PARL: variants seen among roughly 807,000 people sequenced by gnomAD.
PARL encodes the protein presenilin-associated rhomboid-like protein, mitochondrial.
In PARL, 44 loss-of-function variants were observed where a neutral mutation model predicts 51.6. That is an observed-to-expected ratio of 0.85 (90% CI 0.67 to 1.10). PARL has a LOEUF of 1.10. PARL is among the 50% of genes least tolerant of loss of function. The pLI is 0.00. For missense variants in PARL, 441 were observed against 469.5 expected, an observed-to-expected ratio of 0.94 and a Z score of 0.56; for synonymous variants, 172 against 164.0, an observed-to-expected ratio of 1.05 and a Z score of -0.37.
Position 183,842,228 on chromosome 3 carries a change from C to T in PARL, c.757+70G>A. 3.5e-6 allele frequency: 5 copies of T among 1,414,850 alleles called. 1 individual carries two copies. In the South Asian group the frequency reaches 4.6e-5, roughly 13 times the overall value. The allele number at this position is 1,414,850 out of a possible 1,614,324, so 87.6% of individuals were successfully genotyped here. A position where few individuals can be genotyped will look rare whatever the true frequency, so the allele number is the denominator to read the frequency against. ...CGTGTAGAATATGGCAGTAATCATTCCCTTTGTCCGTTCTGCAGATAGCTT... is the reference window on the plus strand; with the variant it reads ...CGTGTAGAATATGGCAGTAATCATTTCCTTTGTCCGTTCTGCAGATAGCTT... On this transcript the variant is annotated intron_variant, in intron 6 of 9. Coordinates refer to ENST00000317096, the MANE Select transcript of PARL (RefSeq NM_018622.7).
At chr3:183,840,704 CTTTTCT>C in intron 6 of PARL, 64 bp from the exon 7 acceptor site, 3 of 747,482 alleles carry the variant, frequency 4.0e-6, no homozygotes, top group Non-Finnish European at 6.5e-6. Flanking sequence ...TTTTTTTTTT[CTTTTCT>C]TTTTTTTTTT....
At chr3:183,879,395 T>C (rs1450386953) in intron 1 of PARL, among the ~76,000 whole-genome samples, 1 of 152,176 alleles carries the variant, frequency 6.6e-6, no homozygotes, top group African/African-American at 2.4e-5. Flanking sequence ...CCTAAAAATA[T>C]ATAGCCCCAA....
At chr3:183,859,507 T>G (rs1367298144) in intron 4 of PARL, among the ~76,000 whole-genome samples, 2 of 152,002 alleles carry the variant, frequency 1.3e-5, no homozygotes, top group South Asian at 2.1e-4. Context: ...CCAGCTAATT[T>G]TGTATTTTTA....
At chr3:183,844,422 T>G (rs1307212734) in intron 4 of PARL, 96 bp from the exon 5 acceptor site, 5 of 820,486 alleles carry the variant, frequency 6.1e-6, no homozygotes, top group East Asian at 2.7e-5. Context: ...CACAATTATG[T>G]AAGAGTACTG....
At chr3:183,832,248 T>C (rs1273295777) in intron 9 of PARL, among the ~76,000 whole-genome samples, 1 of 151,724 alleles carries the variant, frequency 6.6e-6, no homozygotes, top group East Asian at 1.9e-4. Flanking sequence ...AGACAGAGTC[T>C]CACTTTGTCG....
chr3:183,831,322 T>C (rs774223678), intron 9 of PARL, among the ~76,000 whole-genome samples: 11 of 152,246 alleles, frequency 7.2e-5, no homozygotes, highest in Non-Finnish European at 1.3e-4. Flanking sequence ...AGTCAAATAC[T>C]TTAATTTCAC....
chr3:183,876,610 T>TAAAAAAAAAAAAAAAAAAAAAAA (rs576376716), intron 1 of PARL, among the ~76,000 whole-genome samples: 17 of 91,810 alleles, frequency 1.9e-4, no homozygotes, highest in East Asian at 6.9e-4. Context: ...ATACATTTTG[T>TAAAAAAAAAAAAAAAAAAAAAAA]AAAAAAAAAA....
intron 4 of PARL, chr3:183,861,233 C>T: frequency 1.0e-6 from 1 of 973,886 alleles, no homozygotes; most frequent in Non-Finnish European, 1.2e-6. Flanking sequence ...CCTATCAATT[C>T]TATGGTCTTA....
chr3:183,829,950 T>C (rs1196514799), intron 9 of PARL, among the ~76,000 whole-genome samples: 1 of 152,184 alleles, frequency 6.6e-6, no homozygotes, highest in African/African-American at 2.4e-5. Context: ...TATACTACTT[T>C]TGATTCACCA....
chr3:183,832,603 G>A (rs1048061525), intron 9 of PARL, among the ~76,000 whole-genome samples: 2 of 152,130 alleles, frequency 1.3e-5, no homozygotes, highest in African/African-American at 4.8e-5. Context: ...AGGGCAAAAG[G>A]CAACATTTAT....
rs1239471625 is a variant in PARL, at chr3:183,844,261, T to C, written c.577A>G (p.Ile193Val). 6.2e-7 allele frequency: 1 copy of C among 1,607,962 alleles called. No homozygotes were observed. Among genetic ancestry groups the C allele is most frequent in the East Asian group, 2.2e-5 (1 of 44,838 alleles). The change falls in exon 5 of 10, where the codon ATC becomes GTC. Residue 193 changes from isoleucine (I) to valine (V), a missense_variant. Coordinates refer to ENST00000317096, the MANE Select transcript of PARL (RefSeq NM_018622.7). ...WRVPSLQRTM[I>V]RYFTSNPASK... Reference sequence around the variant, plus strand: ...GCTGGATTCGATGTGAAATATCTGATCATTGTCCGCTGCAGAGAAGGTACT... The same window carrying C: ...GCTGGATTCGATGTGAAATATCTGACCATTGTCCGCTGCAGAGAAGGTACT...
intron 4 of PARL, among the ~76,000 whole-genome samples, chr3:183,861,730 A>G (rs954559939): frequency 6.6e-6 from 1 of 152,210 alleles, no homozygotes; most frequent in African/African-American, 2.4e-5. Context: ...ATATTTTGCA[A>G]TTCTCTAGAA....
chr3:183,867,485 G>A lies in PARL; in HGVS notation c.321+380C>T, dbSNP rs931039818. 1.4e-4 allele frequency among the ~76,000 whole-genome samples: 22 copies of A among 152,168 alleles called. No individual in the cohort carries two copies. The East Asian group carries it at 4.3e-3, about 30-fold the overall frequency. On this transcript the variant is annotated intron_variant, in intron 2 of 9. Coordinates refer to ENST00000317096, the MANE Select transcript of PARL (RefSeq NM_018622.7). ...GGAGGCCAAGGCGGGCGGATCATGA[G>A]GTCAGGAGATCGAGACCATCCTGGC...
intron 9 of PARL, among the ~76,000 whole-genome samples, chr3:183,830,211 C>G (rs1727770640): frequency 6.6e-6 from 1 of 152,218 alleles, no homozygotes; most frequent in South Asian, 2.1e-4. Context: ...CTCTGCCCCG[C>G]TTTAAGATAC....
At chr3:183,852,088 T>G (rs1057001682) in intron 4 of PARL, among the ~76,000 whole-genome samples, 1 of 152,116 alleles carries the variant, frequency 6.6e-6, no homozygotes, top group African/African-American at 2.4e-5. Context: ...TGAGACCAGG[T>G]TGAGGTTGTA....
At chr3:183,869,925 C>T (rs1325210980) in intron 1 of PARL, among the ~76,000 whole-genome samples, 2 of 151,986 alleles carry the variant, frequency 1.3e-5, no homozygotes, top group Non-Finnish European at 2.9e-5. Context: ...ACAAACACCT[C>T]CATTTTCTGA....
Position 183,844,312 on chromosome 3 carries a change from T to C in PARL, c.526A>G (p.Asn176Asp), listed in dbSNP as rs1420422308. Residue 176 changes from asparagine (N) to aspartate (D), a missense_variant, in exon 5 of 10, where the codon AAT becomes GAT. Asn to Asp is a conservative substitution (Grantham distance 23). Transcript: ENST00000317096. ...CTCCATAAACAGAATACAAGGACAT[T>C]TGCAGCTATAATACCTACAAAATAA... ...QRTVTGIIAA[N>D]VLVFCLWRVP... The C allele has an allele frequency of 2.5e-6, 4 of 1,595,252 alleles. No homozygotes were observed. Among genetic ancestry groups the C allele is most frequent in the Non-Finnish European group, 3.4e-6 (4 of 1,162,888 alleles).
At chr3:183,868,116 TC>T in intron 1 of PARL, 56 bp from the exon 2 acceptor site, 1 of 1,279,850 alleles carries the variant, frequency 7.8e-7, no homozygotes, top group Admixed American at 1.7e-5. Flanking sequence ...AATATCAACT[TC>T]TATGAACCTC....
At chr3:183,867,640 C>T (rs1019474448) in intron 2 of PARL, among the ~76,000 whole-genome samples, 3 of 150,828 alleles carry the variant, frequency 2.0e-5, no homozygotes, top group Non-Finnish European at 2.9e-5. Flanking sequence ...GTGGAGCTTG[C>T]AGTGAGCCGA....
Sources: gnomAD v4.1 joint callset for allele counts (sites outside exome capture counted in the v4.1 genomes callset) on GRCh38, gnomAD v4.1.1 for gene constraint, MANE v1.5 for transcripts, NCBI Gene and HGNC (gene_info 2026-07-23, HGNC 2026-07-21) for gene names.